Variants in CLVS1 observed in about 807,000 individuals in gnomAD.
The protein encoded by CLVS1 is clavesin 1, also known as clavesin-1.
A neutral mutation model predicts 33.1 loss-of-function variants in CLVS1; 10 were observed. The ratio of observed to expected loss-of-function variants is 0.30; its 90% CI spans 0.19 to 0.51. CLVS1 has a LOEUF of 0.51. Among genes scored for constraint, CLVS1 ranks in the 20% least tolerant of loss-of-function variants. The pLI is 0.97. For synonymous variants in CLVS1, 163 were observed against 166.1 expected (o/e 0.98, Z 0.14); for missense variants, 343 against 433.4 (o/e 0.79, Z 1.85).
intron 3 of CLVS1, among the ~76,000 whole-genome samples, chr8:61,451,361 A>C (rs1816944135): frequency 6.6e-6 from 1 of 152,100 alleles, no homozygotes; most frequent in Non-Finnish European, 1.5e-5. Flanking sequence ...TGTATAGTTT[A>C]TAATAAGGAA....
At chr8:61,024,734 A>G in the CLVS1 span, among the ~76,000 whole-genome samples, 1 of 152,332 alleles carries the variant, frequency 6.6e-6, no homozygotes, top group South Asian at 2.1e-4. Flanking sequence ...CCACTCTGCC[A>G]TTAATAAGTT....
intron 2 of CLVS1, among the ~76,000 whole-genome samples, chr8:61,191,044 T>A (rs1385805983): frequency 6.6e-6 from 1 of 152,286 alleles, no homozygotes; most frequent in South Asian, 2.1e-4. Flanking sequence ...ATCATCCTGA[T>A]ACCAAAGCCT....
chr8:61,356,256 G>A (rs529468689), intron 2 of CLVS1, among the ~76,000 whole-genome samples: 19 of 152,172 alleles, frequency 1.2e-4, no homozygotes, highest in Non-Finnish European at 2.2e-4. Context: ...GTTTTTGATG[G>A]GGTTGTTTGT....
chr8:61,375,234 C>T (rs1036942042), intron 2 of CLVS1, among the ~76,000 whole-genome samples: 1 of 145,942 alleles, frequency 6.9e-6, no homozygotes, highest in Non-Finnish European at 1.5e-5. Context: ...TTAGTATATT[C>T]TTAGTGGCTT....
chr8:61,261,348 C>A (rs1809199540), intron 2 of CLVS1, among the ~76,000 whole-genome samples: 1 of 152,166 alleles, frequency 6.6e-6, no homozygotes, highest in Non-Finnish European at 1.5e-5. Context: ...CTTTGACTAA[C>A]AAAGTTAATT....
At chr8:61,193,289 A>G (rs1165825519) in intron 2 of CLVS1, among the ~76,000 whole-genome samples, 3 of 152,206 alleles carry the variant, frequency 2.0e-5, no homozygotes, top group South Asian at 2.1e-4. Context: ...CAAACACCAC[A>G]TGTTCTCACT....
At chr8:61,015,651 T>G in the CLVS1 span, among the ~76,000 whole-genome samples, 1 of 152,114 alleles carries the variant, frequency 6.6e-6, no homozygotes. Context: ...TGAGTCAAAT[T>G]GAGAAAGCAG....
At chr8:61,247,487 C>T (rs937953937) in intron 2 of CLVS1, among the ~76,000 whole-genome samples, 1 of 152,134 alleles carries the variant, frequency 6.6e-6, no homozygotes. Context: ...TTAATAATAG[C>T]CGTTCTGACT....
chr8:61,004,671 C>A, the CLVS1 span, among the ~76,000 whole-genome samples: 39 of 152,282 alleles, frequency 2.6e-4, no homozygotes, highest in South Asian at 7.7e-3. Flanking sequence ...AGGAAGCTGG[C>A]GACAGGGTGG....
chr8:61,489,644 A>G (rs1804001189), intron 5 of CLVS1, among the ~76,000 whole-genome samples: 1 of 152,256 alleles, frequency 6.6e-6, no homozygotes, highest in Admixed American at 6.5e-5. Context: ...AGTGTTCAAC[A>G]AATGGTTGTT....
intron 2 of CLVS1, among the ~76,000 whole-genome samples, chr8:61,199,047 T>C (rs1292893697): frequency 1.3e-5 from 2 of 152,186 alleles, no homozygotes; most frequent in African/African-American, 2.4e-5. Context: ...AAGGGTCTTT[T>C]TGGTATAATG....
intron 2 of CLVS1, among the ~76,000 whole-genome samples, chr8:61,307,838 C>T (rs576983211): frequency 9.9e-5 from 15 of 152,262 alleles, no homozygotes; most frequent in African/African-American, 3.6e-4. Flanking sequence ...CCCTCCCCCT[C>T]CCACACTCCC....
upstream of CLVS1, among the ~76,000 whole-genome samples, chr8:61,285,302 A>G (rs536654399): frequency 2.0e-5 from 3 of 152,318 alleles, no homozygotes; most frequent in African/African-American, 7.2e-5. Flanking sequence ...ACACTTTTTA[A>G]TGTCATTGCA....
chr8:61,395,427 A>G, intron 3 of CLVS1, among the ~76,000 whole-genome samples: 1 of 152,328 alleles, frequency 6.6e-6, no homozygotes, highest in Middle Eastern at 3.4e-3. Flanking sequence ...AATGTATCGT[A>G]TATTTCAAAA....
intron 5 of CLVS1, among the ~76,000 whole-genome samples, chr8:61,462,350 T>C (rs1370624170): frequency 2.6e-5 from 4 of 152,156 alleles, no homozygotes; most frequent in Non-Finnish European, 4.4e-5. Context: ...GTAGCTATAG[T>C]CTTATGAAAT....
At chr8:61,292,354 G>T (rs1318120574) in intron 1 of CLVS1, 1 of 456,178 alleles carries the variant, frequency 2.2e-6, no homozygotes, top group South Asian at 1.5e-5. Context: ...TGCTGCCATT[G>T]TCTGTGCAAT....
At chr8:61,488,817 G>A (rs542997766) in intron 5 of CLVS1, among the ~76,000 whole-genome samples, 17 of 152,238 alleles carry the variant, frequency 1.1e-4, no homozygotes, top group South Asian at 6.2e-4. Context: ...GTCCAGCTGC[G>A]GCTGCCAGTT....
At chr8:61,401,071 AT>A (rs2129603548) in intron 3 of CLVS1, among the ~76,000 whole-genome samples, 1 of 149,570 alleles carries the variant, frequency 6.7e-6, no homozygotes, top group Admixed American at 6.7e-5. Context: ...TTATTTTTGG[AT>A]TCTTCATTGC....
intron 2 of CLVS1, among the ~76,000 whole-genome samples, chr8:61,230,047 C>CTGTT (rs1478731205): frequency 5.9e-5 from 9 of 152,176 alleles, no homozygotes; most frequent in African/African-American, 1.9e-4. Flanking sequence ...GAGAAGCTCT[C>CTGTT]TGTTACCAAT....
Sources: allele counts gnomAD v4.1 joint callset (sites outside exome capture counted in the v4.1 genomes callset), GRCh38; gene constraint gnomAD v4.1.1; transcripts MANE v1.5; gene names NCBI Gene and HGNC (gene_info 2026-07-23, HGNC 2026-07-21).